GCC2: variants seen among roughly 807,000 people sequenced by gnomAD.
GCC2 encodes GRIP and coiled-coil domain-containing protein 2.
A neutral mutation model predicts 210.6 loss-of-function variants in GCC2; 120 were observed. That is an observed-to-expected ratio of 0.57 (90% CI 0.49 to 0.66). The LOEUF is 0.66. Among genes scored for constraint, GCC2 ranks in the 30% least tolerant of loss-of-function variants. The pLI is 0.00. For synonymous variants in GCC2, 703 were observed against 652.7 expected (o/e 1.08, Z -1.17); for missense variants, 1,868 against 1,871.9 (o/e 1.00, Z 0.04).
At chr2:108,498,177 T>C (rs1008086188) in intron 21 of GCC2, among the ~76,000 whole-genome samples, 3 of 141,120 alleles carry the variant, frequency 2.1e-5, no homozygotes, top group Non-Finnish European at 3.1e-5. Context: ...TTAAATGTTA[T>C]ATTTTCTTTT....
At chr2:108,467,949 T>C (rs1297034097) in intron 4 of GCC2, among the ~76,000 whole-genome samples, 2 of 152,200 alleles carry the variant, frequency 1.3e-5, no homozygotes, top group Non-Finnish European at 2.9e-5. Flanking sequence ...AAATATAGTA[T>C]TATGCTTCTT....
intron 10 of GCC2, 33 bp from the exon 11 acceptor site, chr2:108,482,254 A>T (rs1246804839): frequency 3.0e-6 from 4 of 1,319,734 alleles, no homozygotes; most frequent in Admixed American, 4.1e-5. Flanking sequence ...TGTTTTTTGC[A>T]TGTTTATAGT....
intron 20 of GCC2, 43 bp downstream of exon 20, chr2:108,495,528 C>G: frequency 2.2e-6 from 3 of 1,353,550 alleles, no homozygotes; most frequent in Non-Finnish European, 3.1e-6. Flanking sequence ...TTTAATTTCA[C>G]TGTCTTATTT....
At chr2:108,474,555 T>G (rs1006624887) in intron 7 of GCC2, among the ~76,000 whole-genome samples, 4 of 152,184 alleles carry the variant, frequency 2.6e-5, no homozygotes, top group Non-Finnish European at 5.9e-5. Context: ...GACAACTCTT[T>G]TCAAGGGATT....
At chr2:108,475,514 C>A (rs370937779) in intron 7 of GCC2, 21 bp from the exon 8 acceptor site, 50 of 1,132,116 alleles carry the variant, frequency 4.4e-5, no homozygotes, top group Non-Finnish European at 6.3e-5. Context: ...CGTATGTAAT[C>A]CATTTATTTT....
rs752891062 is a variant in GCC2 at position 108,471,411 on chromosome 2, CAAT to C, written c.2085_2087del (p.Asn695del). On this transcript the variant is annotated inframe_deletion, in exon 6 of 23. Coordinates refer to ENST00000309863, the MANE Select transcript of GCC2 (RefSeq NM_181453.4). ...AAGTGAAGTCTCTTTATGAGGAAAA[CAAT>C]AAACTCAGTTCAGAAAAAAAACAGT... 2.1e-5 allele frequency: 33 copies of C among 1,605,258 alleles called. No individual in the cohort carries two copies. The highest frequency in any genetic ancestry group is 2.4e-5 in the Non-Finnish European group (28 of 1,177,642).
chr2:108,506,095 T>G (rs1410041985), intron 22 of GCC2, among the ~76,000 whole-genome samples: 2 of 152,168 alleles, frequency 1.3e-5, no homozygotes, highest in Non-Finnish European at 2.9e-5. Flanking sequence ...TAAAAACCAG[T>G]GACTTATGCA....
At position 108,471,575 on chromosome 2, in the gene GCC2, A is replaced by G. The variant is rs1558741028; in HGVS notation, c.2246A>G (p.Gln749Arg). 6.2e-7 allele frequency: 1 copy of G among 1,609,516 alleles called. No homozygotes were observed. The part of the protein sequence containing the change: ...DNLNKLLENE[Q>R]VQKLFVKTQL... ...TTAAATAAACTGCTTGAAAATGAGC[A>G]AGTTCAGAAGTTATTTGTTAAAACT... Residue 749 changes from glutamine to arginine, a missense_variant, in exon 6 of 23, where the codon CAA (glutamine) becomes CGA (arginine). Transcript: ENST00000309863.
rs1558744710 is a variant in GCC2, at chr2:108,476,054, C to CCTTTTTTTTTTTTTTT, written c.3060+204_3060+205insCTTTTTTTTTTTTTTT. Among the ~76,000 whole-genome samples, 9 of 96,328 alleles carry CCTTTTTTTTTTTTTTT rather than the reference C, an allele frequency of 9.3e-5. 1 individual carries two copies. The highest frequency in any genetic ancestry group is 6.4e-5 in the Non-Finnish European group (3 of 46,868). 63.2% of individuals were successfully genotyped at this position (96,328 alleles called of 152,430 possible). ...TGGTTAAGCTTTAAATAGTGGCTTG[C>CCTTTTTTTTTTTTTTT]TTTTTTTTTTTTTTTTTTTTTTTTT... On this transcript the variant is annotated intron_variant, in intron 9 of 22. Transcript: ENST00000309863.
rs1681095606 is a variant in GCC2, at chr2:108,469,886, A to C, written c.557A>C (p.Glu186Ala). ...GATAATGTTAAAAAACTACAAGAAG[A>C]GATTGAGAAAATTAGGCCAGGCTTT... ...SEDNVKKLQE[E>A]IEKIRPGFEE... Residue 186 changes from glutamate (E) to alanine (A), a missense_variant, in exon 6 of 23, where the codon GAG becomes GCG. By Grantham distance (107) the Glu-to-Ala change is moderately radical (BLOSUM62 -1). Around this residue, in one of 3 missense-constraint regions of GCC2, gnomAD observed 1,847 missense variants for 1,765.2 expected, o/e 1.05. Transcript: ENST00000309863. The C allele has an allele frequency of 6.2e-7, 1 of 1,613,168 alleles. No homozygotes were observed.
chr2:108,497,845 C>G (rs997061380), intron 21 of GCC2, among the ~76,000 whole-genome samples: 1 of 152,258 alleles, frequency 6.6e-6, no homozygotes. Context: ...GTTATTTAAT[C>G]TCATCACTGG....
rs1681182091 is a variant in GCC2 at position 108,470,989 on chromosome 2, GTACC to G, written c.1661_1664del (p.Val554GlufsTer7). 1 of 1,613,022 alleles carries G rather than the reference GTACC, an allele frequency of 6.2e-7. No homozygotes were observed. The highest frequency in any genetic ancestry group is 8.5e-7 in the Non-Finnish European group (1 of 1,179,530). The stretch of plus-strand genomic sequence containing the variant: ...AAAGTTACTATCTCAACAAGAATTG[GTACC>G]AGAACTTGAAAATACCATAAAGAAC... On this transcript the variant is annotated frameshift_variant, in exon 6 of 23. Coordinates refer to ENST00000309863, the MANE Select transcript of GCC2 (RefSeq NM_181453.4). LOFTEE classifies it high-confidence loss of function.
intron 9 of GCC2, among the ~76,000 whole-genome samples, chr2:108,480,398 G>A (rs1357086607): frequency 6.6e-6 from 1 of 152,166 alleles, no homozygotes; most frequent in African/African-American, 2.4e-5. Context: ...TCCCGTTACT[G>A]GGTATATACC....
At position 108,490,028 on chromosome 2, in the gene GCC2, C is replaced by T; in HGVS notation, c.4229+14C>T. The T allele has an allele frequency of 1.9e-6, 3 of 1,589,698 alleles. No individual in the cohort carries two copies. Among genetic ancestry groups the T allele is most frequent in the Non-Finnish European group, 2.6e-6 (3 of 1,166,586 alleles). ...ACTCCGGGAAAAGTAAGACTGTTAG[C>T]AGCACTAACGCTGTACCAGACAGCA... On this transcript the variant is annotated intron_variant, in intron 18 of 22. Transcript: ENST00000309863.
intron 11 of GCC2, 113 bp downstream of exon 11, chr2:108,482,564 A>G: frequency 1.7e-6 from 1 of 573,750 alleles, no homozygotes; most frequent in South Asian, 2.7e-5. Context: ...AGCAGAGTTC[A>G]TTAATTCCTT....
chr2:108,450,953 C>A, intron 2 of GCC2, 75 bp from the exon 3 acceptor site: 1 of 889,794 alleles, frequency 1.1e-6, no homozygotes. Flanking sequence ...TGTTTTCTAG[C>A]AGACATTGTT....
At chr2:108,481,891 T>A (rs1681873758) in intron 10 of GCC2, 75 bp downstream of exon 10, 1 of 1,141,326 alleles carries the variant, frequency 8.8e-7, no homozygotes, top group East Asian at 2.6e-5. Flanking sequence ...GCATAAAAAA[T>A]TTAAAAAATA....
chr2:108,472,692 A>G, intron 6 of GCC2, 135 bp from the exon 7 acceptor site: 1 of 616,550 alleles, frequency 1.6e-6, no homozygotes, highest in Non-Finnish European at 2.8e-6. Context: ...TCTGTTGACC[A>G]AATTGGTTTC....
chr2:108,504,814 T>C (rs1683105925), intron 22 of GCC2, among the ~76,000 whole-genome samples: 1 of 152,146 alleles, frequency 6.6e-6, no homozygotes, highest in Admixed American at 6.6e-5. Context: ...ATCTGAATAT[T>C]GTCACTTGTA....
Sources: gnomAD v4.1 joint callset for allele counts (sites outside exome capture counted in the v4.1 genomes callset) on GRCh38, gnomAD v4.1.1 for gene constraint, gnomAD v4.1.1 regional missense constraint, MANE v1.5 for transcripts, NCBI Gene and HGNC (gene_info 2026-07-23, HGNC 2026-07-21) for gene names.